Variants in TAAR5 observed in about 807,000 individuals in gnomAD.
The protein encoded by TAAR5 is trace amine associated receptor 5.
TAAR5 carries 27 observed loss-of-function variants against 21.1 expected under a neutral mutation model. The ratio of observed to expected loss-of-function variants is 1.28; its 90% confidence interval spans 0.94 to 1.76. The LOEUF (loss-of-function observed/expected upper bound fraction) is 1.76, where lower values mean the gene tolerates loss of function less well. Among genes scored for constraint, TAAR5 ranks in the 40% most tolerant of loss-of-function variants. The probability of loss-of-function intolerance (pLI) is 0.00; values close to 1 mark genes in which losing one functional copy is unlikely to be tolerated. For synonymous variants in TAAR5, 203 were observed against 167.5 expected (o/e 1.21, Z -1.64); for missense variants, 495 against 405.6 (o/e 1.22, Z -1.89).
At chr6:132,613,916 C>G in the TAAR5 span, among the ~76,000 whole-genome samples, 6 of 152,250 alleles carry the variant, frequency 3.9e-5, no homozygotes, top group Admixed American at 3.3e-4. Context: ...CCTATTTGGG[C>G]AAAGAACTTA....
chr6:132,608,515 G>C, the TAAR5 span: 1 of 454,860 alleles, frequency 2.2e-6, no homozygotes, highest in Non-Finnish European at 4.4e-6. Flanking sequence ...CAGTGTCTTC[G>C]CTGCTTTCCT....
At chr6:132,603,328 A>G in the TAAR5 span, among the ~76,000 whole-genome samples, 1 of 151,520 alleles carries the variant, frequency 6.6e-6, no homozygotes, top group South Asian at 2.1e-4. Context: ...AAAAAGAAAG[A>G]AAATTGTCAG....
At chr6:132,607,732 AGT>A in the TAAR5 span, among the ~76,000 whole-genome samples, 1 of 152,194 alleles carries the variant, frequency 6.6e-6, no homozygotes, top group Non-Finnish European at 1.5e-5. Flanking sequence ...ATAACTGAAT[AGT>A]TTGTAAAAAT....
chr6:132,605,209 A>G, the TAAR5 span, among the ~76,000 whole-genome samples: 1 of 152,214 alleles, frequency 6.6e-6, no homozygotes, highest in Non-Finnish European at 1.5e-5. Context: ...TAGCATAGAA[A>G]CTGTTTAAAA....
At chr6:132,594,770 A>T in the TAAR5 span, 1 of 152,220 alleles carries the variant, frequency 6.6e-6, no homozygotes, top group African/African-American at 2.4e-5. Context: ...CTACTGTAAA[A>T]ATATGTATGT....
At chr6:132,592,551 G>C (rs1187982553), upstream of TAAR5, among the ~76,000 whole-genome samples, 2 of 152,224 alleles carry the variant, frequency 1.3e-5, no homozygotes, top group Non-Finnish European at 2.9e-5. Flanking sequence ...CAGTGTTGGA[G>C]GTGGGGCCTG....
the TAAR5 span, among the ~76,000 whole-genome samples, chr6:132,612,130 T>G: frequency 6.6e-6 from 1 of 152,174 alleles, no homozygotes; most frequent in Non-Finnish European, 1.5e-5. Context: ...TTTGAGCACA[T>G]TAGTGATAGC....
chr6:132,612,407 G>A, the TAAR5 span, among the ~76,000 whole-genome samples: 1 of 152,122 alleles, frequency 6.6e-6, no homozygotes, highest in Non-Finnish European at 1.5e-5. Context: ...ACTCGTTTCA[G>A]GAGCACACTT....
the TAAR5 span, among the ~76,000 whole-genome samples, chr6:132,615,766 C>G: frequency 0.015 from 2,207 of 151,704 alleles, 60 homozygotes; most frequent in African/African-American, 0.052. Context: ...CATAACCACA[C>G]CTGGATATAA....
upstream of TAAR5, among the ~76,000 whole-genome samples, chr6:132,589,987 A>G (rs1776881813): frequency 6.6e-6 from 1 of 152,204 alleles, no homozygotes; most frequent in Non-Finnish European, 1.5e-5. Flanking sequence ...TCTTAAAGAA[A>G]GAAAAGAAGG....
rs558684856 is a variant in TAAR5 at position 132,589,435 on chromosome 6, A to G, written c.252T>C (p.Gly84=). 6.2e-7 allele frequency: 1 copy of G among 1,613,994 alleles called. No homozygotes were observed. Among genetic ancestry groups the G allele is most frequent in the South Asian group, 1.1e-5 (1 of 91,058 alleles). ...TGGTGCTGAGGGGCAGCACCAGCAGACCCAGAAACATGTCAGCCAGGGCCA... is the reference window on the plus strand; with the variant it reads ...TGGTGCTGAGGGGCAGCACCAGCAGGCCCAGAAACATGTCAGCCAGGGCCA... The part of the protein sequence containing the change: ...LSLALADMFL[G]LLVLPLSTIR... The change falls in exon 1 of 1, where the codon GGT becomes GGC. Residue 84 remains glycine (G), a synonymous_variant. Coordinates refer to ENST00000258034, the MANE Select transcript of TAAR5 (RefSeq NM_003967.3).
chr6:132,596,285 C>T, the TAAR5 span, among the ~76,000 whole-genome samples: 9 of 152,080 alleles, frequency 5.9e-5, 1 homozygote, highest in Admixed American at 5.2e-4. Flanking sequence ...AATGCCATTG[C>T]CCTTGTAATG....
the TAAR5 span, among the ~76,000 whole-genome samples, chr6:132,612,469 C>T: frequency 1.3e-5 from 2 of 152,122 alleles, no homozygotes; most frequent in South Asian, 2.1e-4. Flanking sequence ...TATAAAATAA[C>T]CCCTCCCAAA....
the TAAR5 span, among the ~76,000 whole-genome samples, chr6:132,615,374 G>T: frequency 1.3e-5 from 2 of 152,108 alleles, no homozygotes; most frequent in East Asian, 1.9e-4. Flanking sequence ...TAACAAGAAA[G>T]TATTGGGATG....
At chr6:132,602,779 C>CAAAAAAAAAAAA in the TAAR5 span, among the ~76,000 whole-genome samples, 4 of 95,946 alleles carry the variant, frequency 4.2e-5, no homozygotes, top group African/African-American at 1.6e-4. Flanking sequence ...CTTTAGAAGT[C>CAAAAAAAAAAAA]AAAAAAAAAA....
chr6:132,598,517 C>T, the TAAR5 span, among the ~76,000 whole-genome samples: 1 of 152,172 alleles, frequency 6.6e-6, no homozygotes, highest in South Asian at 2.1e-4. Context: ...AGCAAATTTG[C>T]ACTGTGTTCT....
rs779090978 is a variant in TAAR5, at chr6:132,589,583, A to G, written c.104T>C (p.Leu35Ser). ...PRTVHTLGIQ[L>S]VIYLACAAGM... Reference sequence around the variant, plus strand: ...TGCTGCACAGGCCAGGTAGATGACCAACTGGATGCCCAGAGTATGTACTGT... The same window carrying G: ...TGCTGCACAGGCCAGGTAGATGACCGACTGGATGCCCAGAGTATGTACTGT... The change falls in exon 1 of 1, where the codon TTG becomes TCG. Residue 35 changes from leucine to serine, a missense_variant. Physicochemically the swap from Leu to Ser is moderately radical, Grantham distance 145. Coordinates refer to ENST00000258034, the MANE Select transcript of TAAR5 (RefSeq NM_003967.3). 1 of 1,613,996 alleles carries G rather than the reference A, an allele frequency of 6.2e-7. No homozygotes were observed. Among genetic ancestry groups the G allele is most frequent in the Non-Finnish European group, 8.5e-7 (1 of 1,179,970 alleles).
chr6:132,609,276 T>C, the TAAR5 span: 11 of 314,650 alleles, frequency 3.5e-5, no homozygotes, highest in East Asian at 3.3e-4. Context: ...GTTAGATCCA[T>C]GGTGCTTTAT....
At chr6:132,591,759 G>A (rs188424532), upstream of TAAR5, among the ~76,000 whole-genome samples, 1 of 152,334 alleles carries the variant, frequency 6.6e-6, no homozygotes, top group Admixed American at 6.5e-5. Flanking sequence ...AAGGTTTTCT[G>A]TTCTGGGATA....
Sources: allele counts gnomAD v4.1 joint callset (sites outside exome capture counted in the v4.1 genomes callset), GRCh38; gene constraint gnomAD v4.1.1; transcripts MANE v1.5; gene names NCBI Gene and HGNC (gene_info 2026-07-23, HGNC 2026-07-21).